KANSL3: variants seen among roughly 807,000 people sequenced by gnomAD.
The protein encoded by KANSL3 is NSL complex protein NSL3.
In KANSL3, 16 loss-of-function variants were observed where a neutral mutation model predicts 89.2. The ratio of observed to expected loss-of-function variants is 0.18; its 90% confidence interval spans 0.12 to 0.27. The LOEUF is 0.27. KANSL3 is among the 10% of genes least tolerant of loss of function. The pLI is 1.00. For synonymous variants in KANSL3, 385 were observed against 419.7 expected (o/e 0.92, Z 1.01); for missense variants, 879 against 1,110.6 (o/e 0.79, Z 2.96).
At chr2:96,613,432 G>A in intron 6 of KANSL3, 56 bp downstream of exon 6, 8 of 1,488,058 alleles carry the variant, frequency 5.4e-6, no homozygotes, top group Non-Finnish European at 7.3e-6. Context: ...AAGGTTCTAA[G>A]GCTTGAGTCT....
chr2:96,587,953 C>A, the KANSL3 span, among the ~76,000 whole-genome samples: 1 of 152,022 alleles, frequency 6.6e-6, no homozygotes, highest in African/African-American at 2.4e-5. Context: ...ACAACAGACA[C>A]AATCTGAAAA....
At chr2:96,632,974 A>G (rs2073675275) in intron 2 of KANSL3, among the ~76,000 whole-genome samples, 1 of 151,574 alleles carries the variant, frequency 6.6e-6, no homozygotes, top group South Asian at 2.1e-4. Context: ...TCAAAAAAAA[A>G]AAAAAAAAAA....
chr2:96,605,599 G>A, intron 14 of KANSL3, 88 bp from the exon 15 acceptor site: 1 of 1,087,470 alleles, frequency 9.2e-7, no homozygotes, highest in Non-Finnish European at 1.4e-6. Context: ...ACAGCCATGT[G>A]TAGAATGTAG....
rs142367300 is a variant in KANSL3, at chr2:96,604,394, A to G, written c.2019-14T>C. 2.1e-4 allele frequency: 342 copies of G among 1,607,604 alleles called. 1 individual carries two copies. Among genetic ancestry groups the G allele is most frequent in the Non-Finnish European group, 2.7e-4 (319 of 1,179,360 alleles). On this transcript the variant is annotated splice_polypyrimidine_tract_variant and intron_variant, in intron 16 of 20. Coordinates refer to ENST00000431828, the MANE Select transcript of KANSL3 (RefSeq NM_001115016.3). ...GAAGAACTGGACCTGGAGACAAAGG[A>G]AGGAGCTCTGTTATCCAAAGGTCAC...
downstream of KANSL3, among the ~76,000 whole-genome samples, chr2:96,593,011 A>G (rs2066320608): frequency 1.3e-5 from 2 of 152,110 alleles, no homozygotes; most frequent in Non-Finnish European, 2.9e-5. Flanking sequence ...TCGAAAAAAA[A>G]AAAAGGAAAT....
At chr2:96,627,523 C>T (rs1477592186) in intron 3 of KANSL3, among the ~76,000 whole-genome samples, 1 of 152,086 alleles carries the variant, frequency 6.6e-6, no homozygotes, top group Non-Finnish European at 1.5e-5. Context: ...CCTATATACA[C>T]AAAGCTATCT....
chr2:96,619,481 C>G lies in KANSL3; in HGVS notation c.541G>C (p.Ala181Pro). 6.2e-7 allele frequency: 1 copy of G among 1,614,024 alleles called. No individual in the cohort carries two copies. Among genetic ancestry groups the G allele is most frequent in the Non-Finnish European group, 8.5e-7 (1 of 1,179,900 alleles). Residue 181 changes from alanine (A) to proline (P), a missense_variant, in exon 5 of 21, where the codon GCT (alanine) becomes CCT (proline). Ala to Pro is a conservative substitution (Grantham distance 27). Coordinates refer to ENST00000431828, the MANE Select transcript of KANSL3 (RefSeq NM_001115016.3). ...GTATCCCAGCTCACACTTGCCAGAGCCTGCCGCACTCTCCTTGCACACTTG... is the reference window on the plus strand; with the variant it reads ...GTATCCCAGCTCACACTTGCCAGAGGCTGCCGCACTCTCCTTGCACACTTG... Reference protein sequence around the residue: ...VDKCARRVRQALASVSWDTKL... With the variant: ...VDKCARRVRQPLASVSWDTKL...
chr2:96,622,652 C>T (rs1468783404), intron 3 of KANSL3, among the ~76,000 whole-genome samples: 1 of 152,150 alleles, frequency 6.6e-6, no homozygotes, highest in Non-Finnish European at 1.5e-5. Flanking sequence ...TTCAGTGGCC[C>T]CAGTTCAATC....
intron 20 of KANSL3, among the ~76,000 whole-genome samples, chr2:96,598,497 TG>T: frequency 6.6e-6 from 1 of 152,356 alleles, no homozygotes; most frequent in South Asian, 2.1e-4. Flanking sequence ...GATAGGGTCT[TG>T]TTGCCTTTGT....
At chr2:96,589,326 TA>T (rs2066259201), downstream of KANSL3, among the ~76,000 whole-genome samples, 1 of 152,194 alleles carries the variant, frequency 6.6e-6, no homozygotes, top group Non-Finnish European at 1.5e-5. Context: ...ACTTGAAATA[TA>T]ATGACATAGG....
rs374477720 is a variant in KANSL3, at chr2:96,631,436, T to C, written c.262A>G (p.Met88Val). 17 of 1,593,694 alleles carry C rather than the reference T, an allele frequency of 1.1e-5. No homozygotes were observed. The highest frequency in any genetic ancestry group is 9.0e-5 in the East Asian group (4 of 44,210). ...GCCTTCTGATTGTCATAGAGTGGCA[T>C]AGGCGTTGATGTGACCGTCTCCACA... ...IDVETVTSTP[M>V]PLYDNQKARS... Residue 88 changes from methionine to valine, a missense_variant, in exon 3 of 21, where the codon ATG becomes GTG. Physicochemically the swap from Met to Val is conservative, Grantham distance 21. Coordinates refer to ENST00000431828, the MANE Select transcript of KANSL3 (RefSeq NM_001115016.3).
At chr2:96,635,654 A>G (rs1558797884) in intron 2 of KANSL3, among the ~76,000 whole-genome samples, 1 of 152,220 alleles carries the variant, frequency 6.6e-6, no homozygotes, top group African/African-American at 2.4e-5. Context: ...TTATAAAGTC[A>G]TTGGGAAATG....
chr2:96,610,595 G>A (rs1216307430), intron 11 of KANSL3, 131 bp downstream of exon 11: 43 of 979,372 alleles, frequency 4.4e-5, no homozygotes, highest in East Asian at 1.1e-4. Context: ...GATTACAGGC[G>A]TGAGCCACCG....
intron 3 of KANSL3, among the ~76,000 whole-genome samples, chr2:96,624,823 C>G (rs1029341053): frequency 6.6e-6 from 1 of 152,044 alleles, no homozygotes; most frequent in Non-Finnish European, 1.5e-5. Context: ...ATGCCCAGCC[C>G]TATCTATCTA....
intron 3 of KANSL3, among the ~76,000 whole-genome samples, chr2:96,624,502 C>T (rs983233608): frequency 2.6e-5 from 4 of 152,130 alleles, no homozygotes; most frequent in Non-Finnish European, 4.4e-5. Context: ...TATATACATA[C>T]ATATCTATCT....
At chr2:96,596,300 A>G (rs2066523492) in intron 20 of KANSL3, among the ~76,000 whole-genome samples, 1 of 152,240 alleles carries the variant, frequency 6.6e-6, no homozygotes, top group East Asian at 1.9e-4. Flanking sequence ...GCTCATGCCT[A>G]TAATCCCAAC....
intron 3 of KANSL3, among the ~76,000 whole-genome samples, chr2:96,623,300 G>A (rs894194060): frequency 2.6e-5 from 4 of 152,196 alleles, no homozygotes; most frequent in East Asian, 3.9e-4. Flanking sequence ...TATGTCTTTC[G>A]CCATACCAAG....
chr2:96,619,359 C>A lies in KANSL3; in HGVS notation c.663G>T (p.Lys221Asn). The A allele has an allele frequency of 6.2e-7, 1 of 1,609,368 alleles. No individual in the cohort carries two copies. Among genetic ancestry groups the A allele is most frequent in the African/African-American group, 1.3e-5 (1 of 74,904 alleles). ...YLDALQTLKG[K>N]IPTLIDRMLV... ...GGGCAGACCCCAATCACAGCCTTAC[C>A]TTCCCCTTCAGCGTCTGCAAAGCAT... Residue 221 changes from lysine (K) to asparagine (N), a missense_variant and splice_region_variant, in exon 5 of 21, where the codon AAG becomes AAT. Transcript: ENST00000431828.
chr2:96,628,329 T>C lies in KANSL3; in HGVS notation c.386+2983A>G, dbSNP rs1171419188. On this transcript the variant is annotated intron_variant, in intron 3 of 20. Coordinates refer to ENST00000431828, the MANE Select transcript of KANSL3 (RefSeq NM_001115016.3). ...GGCCAGGCCACCCCAGTGTCTCTTATGCTTTGCAGTTATATCTCTCCTTAT... is the reference window on the plus strand; with the variant it reads ...GGCCAGGCCACCCCAGTGTCTCTTACGCTTTGCAGTTATATCTCTCCTTAT... The C allele has an allele frequency of 2.2e-5, 18 of 807,680 alleles. No individual in the cohort carries two copies. The Admixed American group carries it at 6.2e-4, about 28-fold the overall frequency. The allele number at this position is 807,680 out of a possible 1,614,324, so 50.0% of individuals were successfully genotyped here.
Sources: allele counts gnomAD v4.1 joint callset (sites outside exome capture counted in the v4.1 genomes callset), GRCh38; gene constraint gnomAD v4.1.1; transcripts MANE v1.5; gene names NCBI Gene and HGNC (gene_info 2026-07-23, HGNC 2026-07-21).